The following GRIK2 variants were observed in gnomAD, a reference collection of about 807,000 sequenced individuals.
GRIK2 encodes the protein glutamate ionotropic receptor kainate type subunit 2.
A neutral mutation model predicts 100.3 loss-of-function variants in GRIK2; 32 were observed. The observed-to-expected ratio is 0.32, with a 90% CI of 0.24 to 0.43. GRIK2 has a LOEUF of 0.43. Among genes scored for constraint, GRIK2 ranks in the 20% least tolerant of loss-of-function variants. The pLI is 1.00. For missense variants in GRIK2, 843 were observed against 1,114.9 expected (o/e 0.76, Z 3.47); for synonymous variants, 417 against 389.4 (o/e 1.07, Z -0.83).
intron 9 of GRIK2, among the ~76,000 whole-genome samples, chr6:101,809,384 C>T (rs919902151): frequency 3.9e-5 from 6 of 151,904 alleles, no homozygotes; most frequent in Non-Finnish European, 8.8e-5. Context: ...TTACTATTGA[C>T]CTTTCTTTTA....
intron 9 of GRIK2, among the ~76,000 whole-genome samples, chr6:101,808,018 T>C (rs763502100): frequency 5.0e-4 from 76 of 152,190 alleles, no homozygotes; most frequent in Non-Finnish European, 9.4e-4. Context: ...TTTGTTTTTG[T>C]TGTTTAGAAT....
At chr6:101,736,016 A>G (rs1173819729) in intron 7 of GRIK2, among the ~76,000 whole-genome samples, 1 of 152,238 alleles carries the variant, frequency 6.6e-6, no homozygotes, top group Non-Finnish European at 1.5e-5. Context: ...CAAAGGGGCT[A>G]CAGGCCCCAT....
intron 2 of GRIK2, among the ~76,000 whole-genome samples, chr6:101,467,033 T>A (rs1771684347): frequency 1.3e-5 from 2 of 152,256 alleles, no homozygotes; most frequent in South Asian, 4.1e-4. Flanking sequence ...CACAAGAAAA[T>A]GAAATGTCTA....
intron 4 of GRIK2, 33 bp downstream of exon 4, chr6:101,626,670 T>C: frequency 6.4e-7 from 1 of 1,568,156 alleles, no homozygotes; most frequent in Non-Finnish European, 8.7e-7. Context: ...GGAGCTATGC[T>C]TTAAATATAG....
chr6:101,528,428 A>G (rs1257814226), intron 2 of GRIK2, among the ~76,000 whole-genome samples: 3 of 152,326 alleles, frequency 2.0e-5, no homozygotes, highest in East Asian at 1.9e-4. Context: ...GCTCAGGTCA[A>G]TTAAGGTTAG....
chr6:102,015,201 CT>C (rs918513309), intron 14 of GRIK2, among the ~76,000 whole-genome samples: 49 of 141,246 alleles, frequency 3.5e-4, no homozygotes, highest in South Asian at 6.5e-4. Context: ...TAATGCCCTT[CT>C]TTTTTTTTTA....
intron 2 of GRIK2, chr6:101,430,916 C>T (rs1478607770): frequency 2.9e-6 from 1 of 339,668 alleles, no homozygotes; most frequent in African/African-American, 2.2e-5. Context: ...TGAGGATCTT[C>T]ATGAGGTCCA....
intron 7 of GRIK2, among the ~76,000 whole-genome samples, chr6:101,777,547 T>C (rs1778823975): frequency 6.6e-6 from 1 of 152,212 alleles, no homozygotes; most frequent in South Asian, 2.1e-4. Context: ...CTTTAGATCA[T>C]CATATTTAAT....
In GRIK2 at chr6:101,530,046, C is replaced by T. The variant is rs567344831; in HGVS notation, c.116-91903C>T. ...TAGATGTTTGACTTTTTAGGATGGA[C>T]AGATGCCAGCCTGTATCCTCTTCTG... On this transcript the variant is annotated intron_variant, in intron 2 of 16. Coordinates refer to ENST00000369134, the MANE Select transcript of GRIK2 (RefSeq NM_021956.5). Among the ~76,000 whole-genome samples, 16 of 152,050 alleles carry T rather than the reference C, an allele frequency of 1.1e-4. 1 individual carries two copies. In the South Asian group the frequency reaches 1.5e-3, roughly 14 times the overall value.
chr6:101,466,215 A>T lies in GRIK2; in HGVS notation c.115+66823A>T, dbSNP rs190762580. Among the ~76,000 whole-genome samples, 225 of 152,216 alleles carry T rather than the reference A, an allele frequency of 1.5e-3. 5 individuals are homozygous for T. Among genetic ancestry groups the T allele is most frequent in the Admixed American group, 0.014 (219 of 15,290 alleles). On this transcript the variant is annotated intron_variant, in intron 2 of 16. Coordinates refer to ENST00000369134, the MANE Select transcript of GRIK2 (RefSeq NM_021956.5). ...TCATTCTTCCACTGAAACTAAAATT[A>T]TGTGTTAATTTAATTTTATTCACCT...
intron 14 of GRIK2, among the ~76,000 whole-genome samples, chr6:101,946,927 T>C (rs917034713): frequency 6.6e-6 from 1 of 152,054 alleles, no homozygotes; most frequent in African/African-American, 2.4e-5. Flanking sequence ...CCACAGAGAA[T>C]GTTACACAGG....
At chr6:101,476,233 A>T (rs536346493) in intron 2 of GRIK2, among the ~76,000 whole-genome samples, 1 of 152,248 alleles carries the variant, frequency 6.6e-6, no homozygotes, top group East Asian at 1.9e-4. Context: ...TTTGGAGAAC[A>T]AGCAGTTATC....
Position 101,399,179 on chromosome 6 carries a change from C to T in GRIK2, c.-99C>T. ...CTCTATGACCATGCCGTGATCGTGTCTGCGGTCACCACTCGACGCATCCTC... is the reference window on the plus strand; with the variant it reads ...CTCTATGACCATGCCGTGATCGTGTTTGCGGTCACCACTCGACGCATCCTC... On this transcript the variant is annotated 5_prime_UTR_variant, in exon 2 of 17. Transcript: ENST00000369134. 1.4e-6 allele frequency: 1 copy of T among 735,580 alleles called. No individual in the cohort carries two copies. Among genetic ancestry groups the T allele is most frequent in the Non-Finnish European group, 2.5e-6 (1 of 396,552 alleles). 45.6% of individuals were successfully genotyped at this position (735,580 alleles called of 1,614,324 possible). A position where few individuals can be genotyped will look rare whatever the true frequency, so the allele number is the denominator to read the frequency against.
chr6:101,550,816 G>A (rs1037849308), intron 2 of GRIK2, among the ~76,000 whole-genome samples: 1 of 152,146 alleles, frequency 6.6e-6, no homozygotes, highest in African/African-American at 2.4e-5. Flanking sequence ...GATTCCAAGA[G>A]AATACCCATC....
At chr6:101,858,684 T>C (rs898125316) in intron 10 of GRIK2, among the ~76,000 whole-genome samples, 1 of 152,052 alleles carries the variant, frequency 6.6e-6, no homozygotes, top group Non-Finnish European at 1.5e-5. Flanking sequence ...CCATGGTGCC[T>C]GGCCTTCTTC....
chr6:101,566,183 T>C (rs1324987787), intron 2 of GRIK2, among the ~76,000 whole-genome samples: 1 of 151,640 alleles, frequency 6.6e-6, no homozygotes, highest in Non-Finnish European at 1.5e-5. Flanking sequence ...TGCAAACCCA[T>C]GTTGTTCAAG....
rs9377333 is a variant in GRIK2 at position 102,050,066 on chromosome 6, G to A, written c.2312-5264G>A. ...TTTATTAGTCCTATATTATCTAGAC[G>A]TAATGAAATAAGATAAAGAGAAAAA... is the stretch of plus-strand genomic sequence containing the variant. On this transcript the variant is annotated intron_variant, in intron 15 of 16. Transcript: ENST00000369134. Among the ~76,000 whole-genome samples, 20 of 152,110 alleles carry A rather than the reference G, an allele frequency of 1.3e-4. No individual in the cohort carries two copies. In the East Asian group the frequency reaches 3.7e-3, roughly 28 times the overall value.
At chr6:101,600,251 T>G (rs984637435) in intron 2 of GRIK2, among the ~76,000 whole-genome samples, 3 of 151,890 alleles carry the variant, frequency 2.0e-5, no homozygotes, top group Non-Finnish European at 4.4e-5. Context: ...TCTTTTCCAC[T>G]GGTCTTTGTG....
rs545478253 is a variant in GRIK2 at position 101,423,264 on chromosome 6, T to C, written c.115+23872T>C. Among the ~76,000 whole-genome samples, 3 of 152,310 alleles carry C rather than the reference T, an allele frequency of 2.0e-5. No homozygotes were observed. The South Asian group carries it at 6.2e-4, about 32-fold the overall frequency. On this transcript the variant is annotated intron_variant, in intron 2 of 16. Coordinates refer to ENST00000369134, the MANE Select transcript of GRIK2 (RefSeq NM_021956.5). Reference sequence around the variant, plus strand: ...AGTATATTTTCCAGACTAACTTAGTTTTGAATATCAAGAGAGACCCCCATT... The same window carrying C: ...AGTATATTTTCCAGACTAACTTAGTCTTGAATATCAAGAGAGACCCCCATT...
Sources: gnomAD v4.1 joint callset for allele counts (sites outside exome capture counted in the v4.1 genomes callset) on GRCh38, gnomAD v4.1.1 for gene constraint, MANE v1.5 for transcripts, NCBI Gene and HGNC (gene_info 2026-07-23, HGNC 2026-07-21) for gene names.